Variants in MAPRE2 observed in about 807,000 individuals in gnomAD.
MAPRE2 encodes the protein microtubule-associated protein RP/EB family member 2.
Under a neutral mutation model 43.2 loss-of-function variants are expected in MAPRE2, and 13 were observed. The observed-to-expected ratio is 0.30, with a 90% confidence interval of 0.20 to 0.48. The LOEUF (loss-of-function observed/expected upper bound fraction) is 0.48, where lower values mean the gene tolerates loss of function less well. Ranked by LOEUF, MAPRE2 falls within the 20% of genes least tolerant of loss-of-function variation. The pLI is 0.99. For missense variants in MAPRE2, 161 were observed against 400.2 expected, an observed-to-expected ratio of 0.40 and a Z score of 5.10; for synonymous variants, 135 against 148.8, an observed-to-expected ratio of 0.91 and a Z score of 0.68.
chr18:35,072,021 A>G (rs16966386), intron 2 of MAPRE2, among the ~76,000 whole-genome samples: 4,368 of 152,324 alleles, frequency 0.029, 200 homozygotes, highest in African/African-American at 0.1. Flanking sequence ...CCAGGCATGT[A>G]TATTGTTGAT....
chr18:35,069,482 A>G (rs1273380046), intron 1 of MAPRE2, among the ~76,000 whole-genome samples: 1 of 152,190 alleles, frequency 6.6e-6, no homozygotes, highest in Non-Finnish European at 1.5e-5. Context: ...TTGGTAGGCT[A>G]GGATGGGATT....
In MAPRE2 at chr18:35,041,892, G is replaced by T; in HGVS notation, c.122+231G>T. ...GTGAATAGGTTTGCTGCCTTCGAGG[G>T]GTCTCCCTCCATCTCTTTCCTTCCA... is the stretch of plus-strand genomic sequence containing the variant. On this transcript the variant is annotated intron_variant, in intron 1 of 6. Transcript: ENST00000300249. 6.1e-6 allele frequency: 6 copies of T among 991,480 alleles called. No individual in the cohort carries two copies. In the South Asian group the frequency reaches 1.0e-4, roughly 17 times the overall value. The allele number at this position is 991,480 out of a possible 1,614,324, so 61.4% of individuals were successfully genotyped here. A position where few individuals can be genotyped will look rare whatever the true frequency, so the allele number is the denominator to read the frequency against.
chr18:34,991,119 T>C (rs1056527503), intron 1 of MAPRE2, among the ~76,000 whole-genome samples: 1 of 152,144 alleles, frequency 6.6e-6, no homozygotes. Context: ...CACATCACCC[T>C]GGTAATGAGC....
intron 5 of MAPRE2, among the ~76,000 whole-genome samples, chr18:35,129,902 A>G (rs945261339): frequency 4.6e-5 from 7 of 152,254 alleles, no homozygotes; most frequent in African/African-American, 1.7e-4. Context: ...GAGGGGGACT[A>G]TGACAGTGGA....
intron 1 of MAPRE2, among the ~76,000 whole-genome samples, chr18:35,056,072 G>A (rs1160537577): frequency 2.0e-5 from 3 of 148,660 alleles, no homozygotes; most frequent in African/African-American, 7.4e-5. Context: ...TAGTGAAAAT[G>A]GACAGATTTT....
intron 2 of MAPRE2, among the ~76,000 whole-genome samples, chr18:35,082,834 A>G (rs904315647): frequency 3.3e-5 from 5 of 152,086 alleles, no homozygotes; most frequent in Non-Finnish European, 7.4e-5. Context: ...TGGAACTAAT[A>G]TTTATGTATC....
chr18:34,979,559 C>G (rs2097014993), intron 1 of MAPRE2, among the ~76,000 whole-genome samples: 1 of 151,372 alleles, frequency 6.6e-6, no homozygotes, highest in Non-Finnish European at 1.5e-5. Context: ...CATCCTGTAA[C>G]TTTCTTGGTG....
intron 1 of MAPRE2, among the ~76,000 whole-genome samples, chr18:35,043,009 T>G (rs1905443092): frequency 6.6e-6 from 1 of 152,204 alleles, no homozygotes; most frequent in East Asian, 1.9e-4. Flanking sequence ...GCTGTGCCCA[T>G]GAGGTCACCA....
intron 2 of MAPRE2, among the ~76,000 whole-genome samples, chr18:35,036,100 G>A (rs919073420): frequency 1.3e-5 from 2 of 151,334 alleles, no homozygotes; most frequent in Non-Finnish European, 2.9e-5. Context: ...AATTTAATCT[G>A]TATTCCTTAG....
chr18:34,982,716 A>C (rs982113609), intron 1 of MAPRE2, among the ~76,000 whole-genome samples: 9 of 152,208 alleles, frequency 5.9e-5, no homozygotes, highest in African/African-American at 2.2e-4. Flanking sequence ...GTAATCTATC[A>C]CTTCTAAAAT....
chr18:35,003,451 T>C (rs752671567), intron 1 of MAPRE2, among the ~76,000 whole-genome samples: 1 of 152,220 alleles, frequency 6.6e-6, no homozygotes, highest in Admixed American at 6.5e-5. Context: ...TATAATAAGA[T>C]AGTTTTGAGG....
At chr18:35,053,280 G>C (rs1906045533) in intron 1 of MAPRE2, among the ~76,000 whole-genome samples, 1 of 152,110 alleles carries the variant, frequency 6.6e-6, no homozygotes, top group Non-Finnish European at 1.5e-5. Context: ...TGTAATCCCA[G>C]CTACCTGTGA....
chr18:34,985,002 A>T (rs1455316864), intron 1 of MAPRE2, among the ~76,000 whole-genome samples: 1 of 79,812 alleles, frequency 1.3e-5, no homozygotes, highest in Non-Finnish European at 2.2e-5. Context: ...TAAAATATAT[A>T]ATATATTTTA....
chr18:35,033,646 A>T (rs1221700610), intron 2 of MAPRE2, among the ~76,000 whole-genome samples: 2 of 149,854 alleles, frequency 1.3e-5, no homozygotes, highest in Non-Finnish European at 3.0e-5. Context: ...CCTTAAGCTG[A>T]TAAGCAACTT....
intron 2 of MAPRE2, among the ~76,000 whole-genome samples, chr18:35,028,222 A>G (rs1002088179): frequency 1.3e-5 from 2 of 152,244 alleles, no homozygotes; most frequent in Admixed American, 6.5e-5. Flanking sequence ...AGGGTAAGAA[A>G]AAATTATGGC....
At chr18:35,090,049 T>C (rs955406059) in intron 2 of MAPRE2, among the ~76,000 whole-genome samples, 2 of 152,200 alleles carry the variant, frequency 1.3e-5, no homozygotes, top group African/African-American at 4.8e-5. Flanking sequence ...CCACATGTTA[T>C]ATGATTCTAT....
intron 2 of MAPRE2, among the ~76,000 whole-genome samples, chr18:35,028,360 T>A (rs943302610): frequency 2.6e-5 from 4 of 152,224 alleles, no homozygotes; most frequent in Admixed American, 2.0e-4. Flanking sequence ...GTTACACAAC[T>A]TGTAAGCACT....
intron 3 of MAPRE2, 127 bp from the exon 4 acceptor site, chr18:35,101,819 A>G: frequency 3.0e-6 from 2 of 666,684 alleles, no homozygotes; most frequent in South Asian, 2.0e-5. Context: ...TCCAAATCTT[A>G]GCTATTATAA....
At chr18:35,138,308 A>G (rs747789885) in intron 6 of MAPRE2, among the ~76,000 whole-genome samples, 21 of 152,160 alleles carry the variant, frequency 1.4e-4, no homozygotes, top group Admixed American at 9.2e-4. Context: ...AAGACACATG[A>G]TGTGATCAGA....
Sources: allele counts gnomAD v4.1 joint callset (sites outside exome capture counted in the v4.1 genomes callset), GRCh38; gene constraint gnomAD v4.1.1; transcripts MANE v1.5; gene names NCBI Gene and HGNC (gene_info 2026-07-23, HGNC 2026-07-21).